The following SCTR variants were observed in gnomAD, a reference collection of about 807,000 sequenced individuals.
SCTR encodes secretin receptor, also known as pancreatic secretin receptor.
SCTR carries 56 observed loss-of-function variants against 60.8 expected under a neutral mutation model. That is an observed-to-expected ratio of 0.92 (90% CI 0.74 to 1.15). The LOEUF (loss-of-function observed/expected upper bound fraction) is 1.15. SCTR is among the 50% of genes most tolerant of loss of function. The pLI, the probability that SCTR is intolerant of heterozygous loss-of-function variation, is 0.00. For missense variants in SCTR, 562 were observed against 550.4 expected, an observed-to-expected ratio of 1.02 and a Z score of -0.21; for synonymous variants, 202 against 217.0, an observed-to-expected ratio of 0.93 and a Z score of 0.61.
intron 7 of SCTR, among the ~76,000 whole-genome samples, chr2:119,456,357 G>A (rs2104785165): frequency 6.6e-6 from 1 of 152,174 alleles, no homozygotes; most frequent in East Asian, 1.9e-4. Flanking sequence ...ACTGTGCCTG[G>A]ACTTCAGCTT....
intron 3 of SCTR, among the ~76,000 whole-genome samples, chr2:119,478,296 T>C (rs1477130492): frequency 6.6e-6 from 1 of 152,096 alleles, no homozygotes; most frequent in Non-Finnish European, 1.5e-5. Flanking sequence ...TCAATGTGAG[T>C]CAACTAGGAA....
intron 1 of SCTR, among the ~76,000 whole-genome samples, chr2:119,519,810 C>CAAAAAAA (rs71396064): frequency 3.1e-4 from 18 of 58,228 alleles, no homozygotes; most frequent in Admixed American, 4.3e-4. Context: ...GACTCTGTCT[C>CAAAAAAA]AAAAAAAAAA....
At chr2:119,491,872 A>C (rs1475349500) in intron 2 of SCTR, among the ~76,000 whole-genome samples, 2 of 152,176 alleles carry the variant, frequency 1.3e-5, no homozygotes, top group African/African-American at 4.8e-5. Flanking sequence ...GGACAATGGC[A>C]AAGGCTGCCC....
intron 1 of SCTR, among the ~76,000 whole-genome samples, chr2:119,499,005 C>G (rs1274613399): frequency 2.0e-5 from 3 of 151,828 alleles, no homozygotes; most frequent in Non-Finnish European, 4.4e-5. Context: ...TAAATATAAT[C>G]TAGGCAGGTT....
chr2:119,505,278 C>T (rs142944899), intron 1 of SCTR, among the ~76,000 whole-genome samples: 2 of 135,362 alleles, frequency 1.5e-5, no homozygotes, highest in African/African-American at 5.6e-5. Flanking sequence ...TTGGAACCAA[C>T]CCAAATGTCC....
intron 7 of SCTR, among the ~76,000 whole-genome samples, chr2:119,454,017 A>G (rs1285612595): frequency 2.0e-5 from 3 of 152,182 alleles, no homozygotes; most frequent in Non-Finnish European, 2.9e-5. Flanking sequence ...GATAATAAAG[A>G]AATAGAAATG....
In SCTR at chr2:119,462,005, A is replaced by G. The variant is rs765482632; in HGVS notation, c.637-5T>C. ...CATGACCAGCTTGCAGCCCGCCTGG[A>G]GAGAGAGAGGCAGCTGAACCCAGGC... On this transcript the variant is annotated splice_polypyrimidine_tract_variant and splice_region_variant and intron_variant, in intron 6 of 12. Transcript: ENST00000019103. 15 of 1,582,048 alleles carry G rather than the reference A, an allele frequency of 9.5e-6. No homozygotes were observed. In the South Asian group the frequency reaches 1.7e-4, roughly 18 times the overall value.
chr2:119,442,527 G>C (rs1573776915), intron 11 of SCTR, among the ~76,000 whole-genome samples: 1 of 152,198 alleles, frequency 6.6e-6, no homozygotes, highest in African/African-American at 2.4e-5. Flanking sequence ...AACCTCGAAG[G>C]GTGATGAATC....
intron 7 of SCTR, among the ~76,000 whole-genome samples, chr2:119,460,042 GT>G (rs1336797393): frequency 6.6e-6 from 1 of 151,860 alleles, no homozygotes; most frequent in Non-Finnish European, 1.5e-5. Context: ...ATGGCCCGGG[GT>G]CAGGTGCTGA....
chr2:119,495,957 A>G (rs1678329503), intron 1 of SCTR, among the ~76,000 whole-genome samples: 2 of 152,188 alleles, frequency 1.3e-5, no homozygotes, highest in East Asian at 3.8e-4. Flanking sequence ...TGTGTTAATC[A>G]TGTTGTTTGT....
chr2:119,524,066 C>T (rs888763027), intron 1 of SCTR, 89 bp downstream of exon 1: 1 of 998,020 alleles, frequency 1.0e-6, no homozygotes, highest in Non-Finnish European at 1.5e-6. Flanking sequence ...CTGCTAGTCC[C>T]TCTCCACCTG....
intron 12 of SCTR, among the ~76,000 whole-genome samples, chr2:119,441,020 T>C (rs912879040): frequency 6.6e-6 from 1 of 152,240 alleles, no homozygotes; most frequent in Non-Finnish European, 1.5e-5. Flanking sequence ...CTGACCCAGA[T>C]GCTCCATGTG....
chr2:119,507,243 C>T (rs1678769478), intron 1 of SCTR, among the ~76,000 whole-genome samples: 1 of 152,030 alleles, frequency 6.6e-6, no homozygotes, highest in Non-Finnish European at 1.5e-5. Context: ...AACAGTAATA[C>T]CGTGATGTTA....
intron 1 of SCTR, among the ~76,000 whole-genome samples, chr2:119,517,986 C>A (rs954189711): frequency 6.6e-6 from 1 of 152,092 alleles, no homozygotes; most frequent in Non-Finnish European, 1.5e-5. Context: ...GGATTAGTGT[C>A]CTTACAAGAA....
chr2:119,491,458 C>T (rs551565966), intron 2 of SCTR, among the ~76,000 whole-genome samples: 1 of 152,260 alleles, frequency 6.6e-6, no homozygotes, highest in South Asian at 2.1e-4. Context: ...TCAGGCAGAC[C>T]CACATACTGT....
intron 2 of SCTR, among the ~76,000 whole-genome samples, chr2:119,483,207 G>T (rs927648393): frequency 4.5e-4 from 69 of 152,202 alleles, no homozygotes; most frequent in Non-Finnish European, 1.6e-4. Flanking sequence ...CTGGGGACAG[G>T]CCATGCCAGG....
In SCTR at chr2:119,524,148, T is replaced by G; in HGVS notation, c.72+7A>C. 6.5e-7 allele frequency: 1 copy of G among 1,540,176 alleles called. No individual in the cohort carries two copies. The highest frequency in any genetic ancestry group is 8.8e-7 in the Non-Finnish European group (1 of 1,141,438). On this transcript the variant is annotated splice_region_variant and intron_variant, in intron 1 of 12. Coordinates refer to ENST00000019103, the MANE Select transcript of SCTR (RefSeq NM_002980.3). ...GTCCCCAGCCTGCAGAAGGGCGCAG[T>G]ACTCACCGAGTGCGCGGCGCAGGCG...
chr2:119,493,918 G>A, intron 2 of SCTR, among the ~76,000 whole-genome samples: 1 of 152,152 alleles, frequency 6.6e-6, no homozygotes, highest in East Asian at 1.9e-4. Flanking sequence ...TGGGATTACA[G>A]GCATGAGCCA....
chr2:119,500,972 A>G (rs1199205668), intron 1 of SCTR, among the ~76,000 whole-genome samples: 3 of 152,194 alleles, frequency 2.0e-5, no homozygotes, highest in East Asian at 1.9e-4. Context: ...ATGAATGTAT[A>G]TGATTATCAC....
Sources: gnomAD v4.1 joint callset for allele counts (sites outside exome capture counted in the v4.1 genomes callset) on GRCh38, gnomAD v4.1.1 for gene constraint, MANE v1.5 for transcripts, NCBI Gene and HGNC (gene_info 2026-07-23, HGNC 2026-07-21) for gene names.